MMP26: variants seen among roughly 807,000 people sequenced by gnomAD.
The protein encoded by MMP26 is matrix metallopeptidase 26.
MMP26 carries 33 observed loss-of-function variants against 31.0 expected under a neutral mutation model. That is an observed-to-expected ratio of 1.06 (90% CI 0.81 to 1.42). MMP26 has a LOEUF of 1.42. MMP26 is among the 40% of genes most tolerant of loss of function. MMP26 has a pLI of 0.00. For missense variants in MMP26, 347 were observed against 316.1 expected, an observed-to-expected ratio of 1.10 and a Z score of -0.74; for synonymous variants, 122 against 114.9, an observed-to-expected ratio of 1.06 and a Z score of -0.40.
chr11:4,749,118 C>A (rs1019342731), intron 1 of MMP26, among the ~76,000 whole-genome samples: 8 of 151,976 alleles, frequency 5.3e-5, no homozygotes, highest in Non-Finnish European at 1.0e-4. Flanking sequence ...AATCAACATA[C>A]AAAAATCAGT....
chr11:4,805,408 C>A (rs1849253581), intron 2 of MMP26, among the ~76,000 whole-genome samples: 1 of 152,288 alleles, frequency 6.6e-6, no homozygotes, highest in East Asian at 1.9e-4. Flanking sequence ...TGCAGCAGAT[C>A]AATTCAGCCA....
At chr11:4,745,817 G>C (rs1848372795) in intron 1 of MMP26, among the ~76,000 whole-genome samples, 1 of 152,104 alleles carries the variant, frequency 6.6e-6, no homozygotes, top group African/African-American at 2.4e-5. Context: ...TATCTCCAAA[G>C]TTTTGCCTTT....
chr11:4,769,842 G>A, intron 2 of MMP26: 5 of 1,612,590 alleles, frequency 3.1e-6, no homozygotes, highest in Non-Finnish European at 4.2e-6. Flanking sequence ...ATCCAGACAT[G>A]GGCAGACTCT....
Position 4,785,767 on chromosome 11 carries a change from A to G in MMP26, c.-145+18426A>G, listed in dbSNP as rs550605284. On this transcript the variant is annotated intron_variant, in intron 2 of 7. Transcript: ENST00000380390. ...CAGGAGATAACTATAATTAAGCACC[A>G]GATAGAGTTCTCTAAACCTCACTAA... 3.7e-4 allele frequency among the ~76,000 whole-genome samples: 56 copies of G among 152,360 alleles called. No individual in the cohort carries two copies. In the South Asian group the frequency reaches 5.0e-3, roughly 14 times the overall value.
At chr11:4,949,118 T>C (rs2133609539) in intron 2 of MMP26, among the ~76,000 whole-genome samples, 1 of 125,172 alleles carries the variant, frequency 8.0e-6, no homozygotes, top group South Asian at 2.4e-4. Flanking sequence ...AGTGCATTAC[T>C]ATCATGGTGG....
intron 2 of MMP26, among the ~76,000 whole-genome samples, chr11:4,827,011 A>C (rs1849586309): frequency 6.6e-6 from 1 of 152,270 alleles, no homozygotes; most frequent in Admixed American, 6.5e-5. Flanking sequence ...AAGTGAGTAC[A>C]TGTAGATATT....
At chr11:4,766,126 A>AT (rs1384853346) in intron 1 of MMP26, among the ~76,000 whole-genome samples, 1 of 152,120 alleles carries the variant, frequency 6.6e-6, no homozygotes, top group East Asian at 1.9e-4. Context: ...CATTTCATGG[A>AT]TTTTTGCCAT....
chr11:4,804,565 A>G (rs1849238285), intron 2 of MMP26: 1 of 773,822 alleles, frequency 1.3e-6, no homozygotes, highest in African/African-American at 1.7e-5. Flanking sequence ...ACAACATGAC[A>G]TGATGTTACT....
intron 2 of MMP26, chr11:4,943,935 G>T (rs1300185562): frequency 1.2e-5 from 5 of 417,740 alleles, no homozygotes; most frequent in Non-Finnish European, 2.4e-5. Context: ...GAAAGAATAA[G>T]ATGCTATTAA....
chr11:4,901,130 T>C (rs1435903607), intron 2 of MMP26, among the ~76,000 whole-genome samples: 8 of 148,700 alleles, frequency 5.4e-5, no homozygotes, highest in Non-Finnish European at 4.5e-5. Context: ...ATCAGTGGAC[T>C]TCGCATCACC....
At chr11:4,747,191 A>G (rs1848392998) in intron 1 of MMP26, among the ~76,000 whole-genome samples, 1 of 152,144 alleles carries the variant, frequency 6.6e-6, no homozygotes, top group Non-Finnish European at 1.5e-5. Context: ...TACCAAATAG[A>G]TATGACAGAG....
chr11:4,873,834 G>A (rs10836868), intron 2 of MMP26, among the ~76,000 whole-genome samples: 65,730 of 151,910 alleles, frequency 0.43, 16,012 homozygotes, highest in Non-Finnish European at 0.55. Context: ...GGAATTAAGC[G>A]CAGTGATTAT....
rs557549394 is a variant in MMP26, at chr11:4,722,638, G to C, written c.-217+17593G>C. ...GAGGGCTAGGGCTGAGCCTCAGGTG[G>C]GTCCCCTGTTCCCTGTGCTACCCTG... On this transcript the variant is annotated intron_variant, in intron 1 of 7. Coordinates refer to ENST00000380390, the MANE Select transcript of MMP26 (RefSeq NM_021801.5). 1.4e-3 allele frequency: 882 copies of C among 639,904 alleles called. 12 individuals carry two copies. The highest frequency in any genetic ancestry group is 8.6e-3 in the South Asian group (463 of 54,098). The allele number at this position is 639,904 out of a possible 1,614,324, so 39.6% of individuals were successfully genotyped here.
intron 2 of MMP26, among the ~76,000 whole-genome samples, chr11:4,892,600 C>A (rs926585191): frequency 2.6e-5 from 4 of 152,184 alleles, no homozygotes; most frequent in African/African-American, 7.2e-5. Context: ...TTAATTAAAT[C>A]TTATTAAACT....
At position 4,947,894 on chromosome 11, in the gene MMP26, A is replaced by T. The variant is rs78185231; in HGVS notation, c.-144-40174A>T. The stretch of plus-strand genomic sequence containing the variant: ...GACATGGTAAATTATCTGCAAAACT[A>T]GGATACTTCTGATGGATAGTTGGCT... On this transcript the variant is annotated intron_variant, in intron 2 of 7. Transcript: ENST00000380390. Among the ~76,000 whole-genome samples, 847 of 125,438 alleles carry T rather than the reference A, an allele frequency of 6.8e-3. 166 individuals are homozygous for T. Among genetic ancestry groups the T allele is most frequent in the African/African-American group, 0.022 (823 of 36,852 alleles). The allele number at this position is 125,438 out of a possible 152,430, so 82.3% of individuals were successfully genotyped here. A position where few individuals can be genotyped will look rare whatever the true frequency, so the allele number is the denominator to read the frequency against.
chr11:4,799,944 G>A (rs1002376818), intron 2 of MMP26, among the ~76,000 whole-genome samples: 1 of 152,222 alleles, frequency 6.6e-6, no homozygotes, highest in Non-Finnish European at 1.5e-5. Context: ...CTCCTTGGGA[G>A]CTTGGGAAGT....
intron 2 of MMP26, among the ~76,000 whole-genome samples, chr11:4,962,723 G>A (rs1203873053): frequency 2.6e-5 from 4 of 152,142 alleles, no homozygotes; most frequent in East Asian, 3.9e-4. Context: ...TCTGGACTTC[G>A]ATCCTGCATT....
chr11:4,871,305 T>C (rs1850307358), intron 2 of MMP26, among the ~76,000 whole-genome samples: 1 of 152,108 alleles, frequency 6.6e-6, no homozygotes, highest in African/African-American at 2.4e-5. Flanking sequence ...TGAGAGGCTT[T>C]GCTGTGAAAC....
At position 4,954,923 on chromosome 11, in the gene MMP26, C is replaced by T. The variant is rs61744535; in HGVS notation, c.-144-33145C>T. The T allele has an allele frequency of 5.9e-6, 7 of 1,176,746 alleles. 1 individual carries two copies. The highest frequency in any genetic ancestry group is 2.3e-5 in the Admixed American group (1 of 42,686). The allele number at this position is 1,176,746 out of a possible 1,614,324, so 72.9% of individuals were successfully genotyped here. A position where few individuals can be genotyped will look rare whatever the true frequency, so the allele number is the denominator to read the frequency against. ...GAGGGGAGAGACATGCCCGGCAAAG[C>T]GGTGGACAACGGCCAGGTTGATGAT... On this transcript the variant is annotated intron_variant, in intron 2 of 7. Transcript: ENST00000380390.
Sources: allele counts gnomAD v4.1 joint callset (sites outside exome capture counted in the v4.1 genomes callset), GRCh38; gene constraint gnomAD v4.1.1; transcripts MANE v1.5; gene names NCBI Gene and HGNC (gene_info 2026-07-23, HGNC 2026-07-21).